Variants in TBC1D12 observed in about 807,000 individuals in gnomAD.
The protein encoded by TBC1D12 is TBC1 domain family, member 12.
In TBC1D12, 56 loss-of-function variants were observed where a neutral mutation model predicts 86.7. That is an observed-to-expected ratio of 0.65 (90% CI 0.52 to 0.81). The LOEUF (loss-of-function observed/expected upper bound fraction) is 0.81. TBC1D12 is among the 30% of genes least tolerant of loss of function. TBC1D12 has a pLI of 0.00. For missense variants in TBC1D12, 1,023 were observed against 1,038.8 expected, an observed-to-expected ratio of 0.98 and a Z score of 0.21; for synonymous variants, 421 against 411.7, an observed-to-expected ratio of 1.02 and a Z score of -0.27.
At chr10:94,470,712 CTTTT>C (rs1187606730) in intron 2 of TBC1D12, among the ~76,000 whole-genome samples, 1 of 87,720 alleles carries the variant, frequency 1.1e-5, no homozygotes, top group Admixed American at 1.1e-4. Context: ...TTTTTTTTTA[CTTTT>C]TTTTTTAATC....
chr10:94,513,247 CACAAA>C (rs776575114), intron 9 of TBC1D12, among the ~76,000 whole-genome samples: 3 of 135,220 alleles, frequency 2.2e-5, no homozygotes, highest in Non-Finnish European at 4.8e-5. Flanking sequence ...AACTCTGTCT[CACAAA>C]AAAAAAAAAA....
chr10:94,426,330 A>G (rs1443330766), intron 1 of TBC1D12, among the ~76,000 whole-genome samples: 1 of 152,108 alleles, frequency 6.6e-6, no homozygotes, highest in Admixed American at 6.6e-5. Context: ...GTTTTGGTAG[A>G]TGCCTTTAAT....
intron 3 of TBC1D12, among the ~76,000 whole-genome samples, chr10:94,483,482 G>T (rs1480517889): frequency 6.6e-6 from 1 of 152,070 alleles, no homozygotes; most frequent in Non-Finnish European, 1.5e-5. Context: ...ATATTTCATT[G>T]TAATTTTGAT....
intron 3 of TBC1D12, among the ~76,000 whole-genome samples, chr10:94,475,913 T>A (rs2055981205): frequency 6.6e-6 from 1 of 152,128 alleles, no homozygotes; most frequent in Non-Finnish European, 1.5e-5. Flanking sequence ...TTACTAGGAT[T>A]GTCTCTCTGT....
chr10:94,525,406 G>A (rs2134229904), intron 11 of TBC1D12, among the ~76,000 whole-genome samples: 1 of 152,208 alleles, frequency 6.6e-6, no homozygotes, highest in East Asian at 1.9e-4. Context: ...GAGCTCAGGA[G>A]TTCCAGACCA....
intron 1 of TBC1D12, among the ~76,000 whole-genome samples, chr10:94,406,057 C>T (rs571793512): frequency 5.7e-4 from 86 of 152,198 alleles, no homozygotes; most frequent in East Asian, 2.5e-3. Context: ...GTGATCCACC[C>T]GCCTCAGCCT....
At position 94,403,283 on chromosome 10, in the gene TBC1D12, G is replaced by A. The variant is rs1483081177; in HGVS notation, c.670G>A (p.Ala224Thr). Residue 224 changes from alanine to threonine, a missense_variant, in exon 1 of 13, where the codon GCC becomes ACC. By Grantham distance (58) the Ala-to-Thr change is moderately conservative. Coordinates refer to ENST00000225235, the MANE Select transcript of TBC1D12 (RefSeq NM_015188.2). ...GAGSDSGDSP[A>T]SSCSSSEDSE... ...GGGCAGCGACTCGGGGGACAGCCCC[G>A]CCAGCAGCTGCAGCAGTAGCGAGGA... 1 of 1,497,962 alleles carries A rather than the reference G, an allele frequency of 6.7e-7. No individual in the cohort carries two copies. The highest frequency in any genetic ancestry group is 1.3e-5 in the South Asian group (1 of 77,348). The allele number at this position is 1,497,962 out of a possible 1,614,324, so 92.8% of individuals were successfully genotyped here.
intron 3 of TBC1D12, among the ~76,000 whole-genome samples, chr10:94,481,578 C>G (rs1418705452): frequency 6.6e-6 from 1 of 152,182 alleles, no homozygotes; most frequent in Non-Finnish European, 1.5e-5. Context: ...GAGTTAGGGC[C>G]TTGCTATGGA....
chr10:94,531,724 GTTATTTTATGTTATGTTATT>G (rs1474969858), intron 12 of TBC1D12, among the ~76,000 whole-genome samples: 2 of 123,630 alleles, frequency 1.6e-5, no homozygotes, highest in Non-Finnish European at 3.5e-5. Flanking sequence ...GTTATTTTAT[GTTATTTTATGTTATGTTATT>G]TTATGTTATT....
At chr10:94,407,991 G>T (rs2054879939) in intron 1 of TBC1D12, among the ~76,000 whole-genome samples, 1 of 152,142 alleles carries the variant, frequency 6.6e-6, no homozygotes, top group South Asian at 2.1e-4. Flanking sequence ...AACCGTTTTT[G>T]TGGGTTCTTC....
intron 2 of TBC1D12, among the ~76,000 whole-genome samples, chr10:94,442,515 A>G (rs888995979): frequency 1.3e-5 from 2 of 152,204 alleles, no homozygotes; most frequent in African/African-American, 4.8e-5. Flanking sequence ...TTGGTACACA[A>G]TCTGTTTCTA....
rs2056531841 is a variant in TBC1D12 at position 94,511,801 on chromosome 10, TTC to T, written c.1761+149_1761+150del. ...TATCAATTTACCCAGTGAAGAATCT[TTC>T]TATCTCTTGCCAAGAGCTTATATGT... On this transcript the variant is annotated intron_variant, in intron 9 of 12. Coordinates refer to ENST00000225235, the MANE Select transcript of TBC1D12 (RefSeq NM_015188.2). 3 of 640,804 alleles carry T rather than the reference TTC, an allele frequency of 4.7e-6. No individual in the cohort carries two copies. The South Asian group carries it at 6.7e-5, about 14-fold the overall frequency. The allele number at this position is 640,804 out of a possible 1,614,324, so 39.7% of individuals were successfully genotyped here.
chr10:94,515,679 G>A (rs904332875), intron 9 of TBC1D12, among the ~76,000 whole-genome samples: 2 of 152,186 alleles, frequency 1.3e-5, no homozygotes, highest in African/African-American at 2.4e-5. Flanking sequence ...TCCTGAAACT[G>A]CAGATAGTGC....
intron 2 of TBC1D12, among the ~76,000 whole-genome samples, chr10:94,467,676 C>T (rs2055845233): frequency 6.6e-6 from 1 of 151,900 alleles, no homozygotes; most frequent in Non-Finnish European, 1.5e-5. Flanking sequence ...ACCTTCAATG[C>T]ATGTCCTGAA....
intron 2 of TBC1D12, among the ~76,000 whole-genome samples, chr10:94,464,600 G>A (rs1025906289): frequency 6.6e-6 from 1 of 152,090 alleles, no homozygotes; most frequent in African/African-American, 2.4e-5. Flanking sequence ...AGAGTAGCTA[G>A]GACTACAGGC....
At chr10:94,468,363 C>T (rs962075874) in intron 2 of TBC1D12, among the ~76,000 whole-genome samples, 4 of 152,134 alleles carry the variant, frequency 2.6e-5, no homozygotes, top group Non-Finnish European at 4.4e-5. Context: ...TATTGCTGGT[C>T]TACTGACAAC....
At position 94,441,953 on chromosome 10, in the gene TBC1D12, T is replaced by C; in HGVS notation, c.1029T>C (p.Gly343=). The change falls in exon 2 of 13, where the codon GGT becomes GGC. Residue 343 remains glycine, a synonymous_variant. Transcript: ENST00000225235. ...AATCAGTTGTCCATAGTGCTCCTGG[T>C]TGGAAATTATTTGGTAAAGTCCCTC... The part of the protein sequence containing the change: ...ELKSVVHSAP[G]WKLFGKVPPR... 6.2e-7 allele frequency: 1 copy of C among 1,613,508 alleles called. No individual in the cohort carries two copies. The highest frequency in any genetic ancestry group is 1.1e-5 in the South Asian group (1 of 91,032).
intron 1 of TBC1D12, among the ~76,000 whole-genome samples, chr10:94,420,240 T>C (rs2055055931): frequency 6.6e-6 from 1 of 152,178 alleles, no homozygotes; most frequent in Non-Finnish European, 1.5e-5. Flanking sequence ...AGCAGAAAGG[T>C]AGCTGTCTGA....
At position 94,403,239 on chromosome 10, in the gene TBC1D12, C is replaced by G. The variant is rs2054795968; in HGVS notation, c.626C>G (p.Ala209Gly). ...AGCTGCTGCCTGGTGGCCGCGGACG[C>G]CCAGGAGCCCGAGGGCGCGGGCAGC... ...LRSCCLVAAD[A>G]QEPEGAGSDS... Residue 209 changes from alanine (A) to glycine (G), a missense_variant, in exon 1 of 13, where the codon GCC becomes GGC. Physicochemically the swap from Ala to Gly is moderately conservative, Grantham distance 60 (BLOSUM62 0). This residue lies in a region of TBC1D12 where 628 missense variants were observed against 531.1 expected (regional missense o/e 1.18). Transcript: ENST00000225235. 2 of 1,508,160 alleles carry G rather than the reference C, an allele frequency of 1.3e-6. No homozygotes were observed. The highest frequency in any genetic ancestry group is 1.3e-5 in the South Asian group (1 of 79,828). 93.4% of individuals were successfully genotyped at this position (1,508,160 alleles called of 1,614,324 possible). A position where few individuals can be genotyped will look rare whatever the true frequency, so the allele number is the denominator to read the frequency against.
Sources: gnomAD v4.1 joint callset for allele counts (sites outside exome capture counted in the v4.1 genomes callset) on GRCh38, gnomAD v4.1.1 for gene constraint, gnomAD v4.1.1 regional missense constraint, MANE v1.5 for transcripts, NCBI Gene and HGNC (gene_info 2026-07-23, HGNC 2026-07-21) for gene names.